Variants in GRM7 observed in about 807,000 individuals in gnomAD.
GRM7 encodes glutamate metabotropic receptor 7.
Under a neutral mutation model 84.5 loss-of-function variants are expected in GRM7, and 35 were observed. The observed-to-expected ratio is 0.41, with a 90% CI of 0.32 to 0.55. The LOEUF (loss-of-function observed/expected upper bound fraction) is 0.55, where lower values mean the gene tolerates loss of function less well. Among genes scored for constraint, GRM7 ranks in the 20% least tolerant of loss-of-function variants. The probability of loss-of-function intolerance (pLI) is 0.19; values close to 1 mark genes in which losing one functional copy is unlikely to be tolerated. For synonymous variants in GRM7, 487 were observed against 455.1 expected, an observed-to-expected ratio of 1.07 and a Z score of -0.89; for missense variants, 1,003 against 1,194.6, an observed-to-expected ratio of 0.84 and a Z score of 2.36.
intron 9 of GRM7, chr3:7,691,278 G>C (rs576320784): frequency 1.6e-6 from 2 of 1,286,860 alleles, no homozygotes; most frequent in South Asian, 2.5e-5. Context: ...TTCTTCTTGA[G>C]CTGACCCAAC....
intron 2 of GRM7, among the ~76,000 whole-genome samples, chr3:7,201,434 A>G (rs1559499400): frequency 1.3e-5 from 2 of 152,120 alleles, no homozygotes; most frequent in African/African-American, 4.8e-5. Flanking sequence ...CAGAAGTACT[A>G]CTTTTAAAAG....
intron 2 of GRM7, among the ~76,000 whole-genome samples, chr3:7,176,229 TAAAAAAAAAAAAAA>T (rs55732650): frequency 2.5e-4 from 16 of 63,144 alleles, no homozygotes; most frequent in East Asian, 1.0e-3. Context: ...CTATAAAAAG[TAAAAAAAAAAAAAA>T]AAAAAAAAAA....
chr3:7,331,808 G>A (rs2125066759), intron 4 of GRM7, among the ~76,000 whole-genome samples: 1 of 152,230 alleles, frequency 6.6e-6, no homozygotes, highest in East Asian at 1.9e-4. Context: ...AGCTCTCTAA[G>A]GGCTCTACCA....
intron 7 of GRM7, among the ~76,000 whole-genome samples, chr3:7,577,554 C>T (rs937933613): frequency 6.6e-6 from 1 of 152,168 alleles, no homozygotes; most frequent in Admixed American, 6.5e-5. Flanking sequence ...GAGATTTCCA[C>T]CCAACAGTAA....
intron 1 of GRM7, among the ~76,000 whole-genome samples, chr3:7,013,734 G>T (rs958654104): frequency 1.3e-5 from 2 of 152,006 alleles, no homozygotes; most frequent in African/African-American, 4.8e-5. Flanking sequence ...TCCAGTCTAG[G>T]CTGAGCAAAA....
At chr3:7,218,191 G>A (rs1696678563) in intron 2 of GRM7, among the ~76,000 whole-genome samples, 1 of 152,048 alleles carries the variant, frequency 6.6e-6, no homozygotes, top group Admixed American at 6.5e-5. Context: ...AACTATGCAT[G>A]TGTAAATATT....
chr3:7,294,444 A>T (rs1699745351), intron 2 of GRM7, among the ~76,000 whole-genome samples: 1 of 152,110 alleles, frequency 6.6e-6, no homozygotes. Flanking sequence ...TGAGACTGTC[A>T]TCGCCATTGC....
intron 2 of GRM7, among the ~76,000 whole-genome samples, chr3:7,168,356 A>G (rs1476393079): frequency 6.6e-6 from 1 of 152,088 alleles, no homozygotes; most frequent in African/African-American, 2.4e-5. Context: ...GTGTGGTGGT[A>G]TTTGAAGGTG....
chr3:7,197,643 A>G (rs983987712), intron 2 of GRM7, among the ~76,000 whole-genome samples: 2 of 151,832 alleles, frequency 1.3e-5, no homozygotes, highest in African/African-American at 4.8e-5. Context: ...AGAGAGCTCA[A>G]TTAGATTTCT....
At chr3:7,229,082 A>G (rs1463316259) in intron 2 of GRM7, among the ~76,000 whole-genome samples, 2 of 152,064 alleles carry the variant, frequency 1.3e-5, no homozygotes, top group Non-Finnish European at 2.9e-5. Flanking sequence ...TCTAATGTCC[A>G]TTGTGATCAA....
At chr3:6,911,607 G>A (rs1279929925) in intron 1 of GRM7, among the ~76,000 whole-genome samples, 22 of 152,096 alleles carry the variant, frequency 1.4e-4, no homozygotes, top group Non-Finnish European at 5.9e-5. Flanking sequence ...ACAAGTGGTA[G>A]CCACTAGGGA....
rs1574936878 is a variant in GRM7 at position 6,861,978 on chromosome 3, G to A, written c.519+71G>A. Reference sequence around the variant, plus strand: ...CGCCCTTAACCCTAAAAGCTGGCTTGGACTCCGGTGGTGCGGGTCAGGTCA... The same window carrying A: ...CGCCCTTAACCCTAAAAGCTGGCTTAGACTCCGGTGGTGCGGGTCAGGTCA... On this transcript the variant is annotated intron_variant, in intron 1 of 9. Coordinates refer to ENST00000357716, the MANE Select transcript of GRM7 (RefSeq NM_000844.4). The surrounding 1 kb of genome is among the most constrained non-coding windows in gnomAD (Gnocchi z 6.4). The A allele has an allele frequency of 2.3e-6, 3 of 1,308,592 alleles. No individual in the cohort carries two copies. The East Asian group carries it at 7.1e-5, about 31-fold the overall frequency. The allele number at this position is 1,308,592 out of a possible 1,614,324, so 81.1% of individuals were successfully genotyped here.
rs1698202265 is a variant in GRM7, at chr3:7,079,329, T to G, written c.520-67123T>G. Among the ~76,000 whole-genome samples, 3 of 152,236 alleles carry G rather than the reference T, an allele frequency of 2.0e-5. No individual in the cohort carries two copies. The South Asian group carries it at 6.2e-4, about 32-fold the overall frequency. ...AGCTCTTAAATGAGAATAATGCTGG[T>G]TCTTCTACAGATATTGTGAGGACAG... On this transcript the variant is annotated intron_variant, in intron 1 of 9. Coordinates refer to ENST00000357716, the MANE Select transcript of GRM7 (RefSeq NM_000844.4).
chr3:6,958,187 C>T (rs1038374183), intron 1 of GRM7, among the ~76,000 whole-genome samples: 1 of 151,374 alleles, frequency 6.6e-6, no homozygotes, highest in Non-Finnish European at 1.5e-5. Flanking sequence ...ATCTTTGTTA[C>T]TCTCTATATA....
At chr3:7,532,511 T>C (rs1701077394) in intron 7 of GRM7, among the ~76,000 whole-genome samples, 1 of 152,056 alleles carries the variant, frequency 6.6e-6, no homozygotes, top group Admixed American at 6.6e-5. Flanking sequence ...TCTTCTCTCT[T>C]TTCTTCTTTA....
At chr3:7,143,621 A>G (rs1270447769) in intron 1 of GRM7, among the ~76,000 whole-genome samples, 1 of 152,182 alleles carries the variant, frequency 6.6e-6, no homozygotes, top group Non-Finnish European at 1.5e-5. Context: ...CATTACTAAA[A>G]TATGGGGCAT....
Position 7,625,803 on chromosome 3 carries a change from G to T in GRM7, c.2451+46446G>T, listed in dbSNP as rs531703577. 8.9e-4 allele frequency among the ~76,000 whole-genome samples: 135 copies of T among 152,262 alleles called. 2 individuals are homozygous for T. Among genetic ancestry groups the T allele is most frequent in the African/African-American group, 3.2e-3 (131 of 41,568 alleles). On this transcript the variant is annotated intron_variant, in intron 8 of 9. Transcript: ENST00000357716. ...AGATATCCAAGTAGAAATGTAACATGTGCAGTTCAAAGGTAGGACTTCTAA... is the reference window on the plus strand; with the variant it reads ...AGATATCCAAGTAGAAATGTAACATTTGCAGTTCAAAGGTAGGACTTCTAA...
chr3:6,968,639 TA>T (rs1213580701), intron 1 of GRM7, among the ~76,000 whole-genome samples: 4 of 152,258 alleles, frequency 2.6e-5, no homozygotes, highest in African/African-American at 9.6e-5. Flanking sequence ...TCATTATCAT[TA>T]TTTATTTTAT....
intron 8 of GRM7, 80 bp downstream of exon 8, chr3:7,579,437 A>T: frequency 1.2e-6 from 1 of 822,366 alleles, no homozygotes; most frequent in Non-Finnish European, 1.9e-6. Context: ...TTGATTGTAT[A>T]AAGTAAGAAG....
Sources: allele counts gnomAD v4.1 joint callset (sites outside exome capture counted in the v4.1 genomes callset), GRCh38; gene constraint gnomAD v4.1.1; non-coding constraint Gnocchi (gnomAD v3.1); transcripts MANE v1.5; gene names NCBI Gene and HGNC (gene_info 2026-07-23, HGNC 2026-07-21).